CDK8: variants seen among roughly 807,000 people sequenced by gnomAD.
CDK8 encodes the protein cyclin-dependent kinase 8.
A neutral mutation model predicts 71.5 loss-of-function variants in CDK8; 29 were observed. The ratio of observed to expected loss-of-function variants is 0.41; its 90% CI spans 0.30 to 0.55. The LOEUF is 0.55. Ranked by LOEUF, CDK8 falls within the 20% of genes least tolerant of loss-of-function variation. CDK8 has a pLI of 0.37. For synonymous variants in CDK8, 161 were observed against 192.1 expected, an observed-to-expected ratio of 0.84 and a Z score of 1.34; for missense variants, 288 against 572.6, an observed-to-expected ratio of 0.50 and a Z score of 5.07.
At chr13:26,362,711 G>A (rs142949700) in intron 4 of CDK8, among the ~76,000 whole-genome samples, 21 of 152,122 alleles carry the variant, frequency 1.4e-4, no homozygotes, top group African/African-American at 3.6e-4. Context: ...CACCTTCACC[G>A]AAATACCCAG....
At chr13:26,256,991 T>G (rs1871553310) in intron 1 of CDK8, among the ~76,000 whole-genome samples, 1 of 152,156 alleles carries the variant, frequency 6.6e-6, no homozygotes, top group South Asian at 2.1e-4. Context: ...CGCATAGTAT[T>G]TATGAGGTTC....
intron 1 of CDK8, among the ~76,000 whole-genome samples, chr13:26,265,863 T>C (rs1871996505): frequency 6.6e-6 from 1 of 152,152 alleles, no homozygotes; most frequent in Non-Finnish European, 1.5e-5. Flanking sequence ...CTTAAGCAGA[T>C]AGTAATAAGT....
chr13:26,302,383 T>C (rs1355788941), intron 1 of CDK8, among the ~76,000 whole-genome samples: 1 of 152,238 alleles, frequency 6.6e-6, no homozygotes, highest in Non-Finnish European at 1.5e-5. Context: ...TTCCTATATA[T>C]GAACCAATTG....
intron 1 of CDK8, among the ~76,000 whole-genome samples, chr13:26,285,172 G>A (rs997580167): frequency 3.9e-5 from 6 of 152,090 alleles, no homozygotes; most frequent in Non-Finnish European, 5.9e-5. Flanking sequence ...CCGAGAGGTC[G>A]AGTGAGCTGA....
At chr13:26,263,996 C>T (rs1274442264) in intron 1 of CDK8, among the ~76,000 whole-genome samples, 1 of 152,144 alleles carries the variant, frequency 6.6e-6, no homozygotes, top group Non-Finnish European at 1.5e-5. Flanking sequence ...ATCCGCCCAC[C>T]TGGGCCCCCC....
chr13:26,255,014 TG>T (rs1390121871), intron 1 of CDK8, among the ~76,000 whole-genome samples: 1 of 152,188 alleles, frequency 6.6e-6, no homozygotes, highest in East Asian at 1.9e-4. Context: ...CTCTGCACCG[TG>T]GGCTGTATAC....
At chr13:26,268,138 T>A (rs556131769) in intron 1 of CDK8, among the ~76,000 whole-genome samples, 1 of 152,212 alleles carries the variant, frequency 6.6e-6, no homozygotes, top group South Asian at 2.1e-4. Context: ...ACAAAACTTT[T>A]TGGAAAGAAG....
intron 7 of CDK8, 110 bp downstream of exon 7, chr13:26,393,620 G>A (rs1875855229): frequency 9.0e-7 from 1 of 1,107,184 alleles, no homozygotes; most frequent in Non-Finnish European, 1.3e-6. Flanking sequence ...TTTTACTTGA[G>A]TCTTTGTTTT....
chr13:26,280,755 G>A lies in CDK8; in HGVS notation c.128+25986G>A, dbSNP rs113548234. On this transcript the variant is annotated intron_variant, in intron 1 of 12. Transcript: ENST00000381527. ...GCTTTCTTCCTCCTTCTCTGTCCAC[G>A]TAGTCATGCCCGATTCCTCTTTGCC... 5.9e-3 allele frequency among the ~76,000 whole-genome samples: 905 copies of A among 152,252 alleles called. 10 individuals are homozygous for A. The highest frequency in any genetic ancestry group is 0.021 in the African/African-American group (856 of 41,554).
At chr13:26,367,996 A>G (rs559967494) in intron 4 of CDK8, among the ~76,000 whole-genome samples, 44 of 152,332 alleles carry the variant, frequency 2.9e-4, no homozygotes, top group African/African-American at 8.2e-4. Flanking sequence ...GATCAATCCA[A>G]TAAATCATTT....
chr13:26,278,795 T>A lies in CDK8; in HGVS notation c.128+24026T>A, dbSNP rs551186490. On this transcript the variant is annotated intron_variant, in intron 1 of 12. Coordinates refer to ENST00000381527, the MANE Select transcript of CDK8 (RefSeq NM_001260.3). ...CCTGTGTATCTGTGGGTTCCATATATGCAGGTTAAGCCAACCACAGATTGA... is the reference window on the plus strand; with the variant it reads ...CCTGTGTATCTGTGGGTTCCATATAAGCAGGTTAAGCCAACCACAGATTGA... Among the ~76,000 whole-genome samples the A allele has an allele frequency of 3.9e-5, 6 of 152,336 alleles. 1 individual carries two copies. Among genetic ancestry groups the A allele is most frequent in the African/African-American group, 1.4e-4 (6 of 41,582 alleles).
In CDK8 at chr13:26,281,458, A is replaced by G. The variant is rs1006070698; in HGVS notation, c.128+26689A>G. 1.8e-4 allele frequency among the ~76,000 whole-genome samples: 27 copies of G among 152,252 alleles called. 1 individual carries two copies. The highest frequency in any genetic ancestry group is 4.4e-5 in the Non-Finnish European group (3 of 68,042). On this transcript the variant is annotated intron_variant, in intron 1 of 12. Coordinates refer to ENST00000381527, the MANE Select transcript of CDK8 (RefSeq NM_001260.3). ...AGTGCATCACATCAAGGGACCACCA[A>G]CGTGGTACAAAAGAATCTGAACAAC...
intron 4 of CDK8, among the ~76,000 whole-genome samples, chr13:26,382,552 A>G (rs1206016590): frequency 6.6e-6 from 1 of 152,228 alleles, no homozygotes; most frequent in African/African-American, 2.4e-5. Context: ...GCTTGCCAGT[A>G]GTGAAAACAG....
chr13:26,390,989 T>C (rs1875717776), intron 6 of CDK8, among the ~76,000 whole-genome samples: 2 of 149,786 alleles, frequency 1.3e-5, no homozygotes, highest in South Asian at 4.2e-4. Context: ...TTTCCATGAA[T>C]TGGGCACAAT....
Position 26,353,738 on chromosome 13 carries a change from A to C in CDK8, c.316-2A>C. 2 of 1,601,976 alleles carry C rather than the reference A, an allele frequency of 1.2e-6. No homozygotes were observed. The highest frequency in any genetic ancestry group is 1.3e-5 in the African/African-American group (1 of 74,334). On this transcript the variant is annotated splice_acceptor_variant, in intron 3 of 12. Transcript: ENST00000381527. LOFTEE classifies it high-confidence loss of function. The stretch of plus-strand genomic sequence containing the variant: ...CTGTTGATATTTTTTTCTTTCTTTC[A>C]GCATATAATCAAGTTTCACAGAGCT...
intron 4 of CDK8, among the ~76,000 whole-genome samples, chr13:26,377,532 T>C (rs539658361): frequency 1.3e-5 from 2 of 152,348 alleles, no homozygotes; most frequent in East Asian, 1.9e-4. Flanking sequence ...AAGAATTCTA[T>C]GCTTTTTTTT....
intron 9 of CDK8, chr13:26,399,960 T>A (rs907730828): frequency 1.8e-5 from 3 of 166,006 alleles, no homozygotes; most frequent in East Asian, 1.8e-4. Context: ...TCTGTGATGA[T>A]CTGCACAGTG....
intron 2 of CDK8, among the ~76,000 whole-genome samples, chr13:26,345,474 C>G (rs536549527): frequency 1.2e-4 from 19 of 152,088 alleles, no homozygotes; most frequent in Non-Finnish European, 2.8e-4. Context: ...CTCCACCTCC[C>G]AGGCTCAAGC....
At position 26,404,354 on chromosome 13, in the gene CDK8, A is replaced by G. The variant is rs530938489; in HGVS notation, c.*273A>G. On this transcript the variant is annotated 3_prime_UTR_variant, in exon 13 of 13. Transcript: ENST00000381527. ...TACTTGACATGGTTCAGACTGACCAATGCATTTTTTTCAGTGACAGTCTGT... is the reference window on the plus strand; with the variant it reads ...TACTTGACATGGTTCAGACTGACCAGTGCATTTTTTTCAGTGACAGTCTGT... 11 of 322,428 alleles carry G rather than the reference A, an allele frequency of 3.4e-5. No homozygotes were observed. The highest frequency in any genetic ancestry group is 5.8e-5 in the Non-Finnish European group (10 of 173,106). 20.0% of individuals were successfully genotyped at this position (322,428 alleles called of 1,614,324 possible). A position where few individuals can be genotyped will look rare whatever the true frequency, so the allele number is the denominator to read the frequency against.
Sources: allele counts gnomAD v4.1 joint callset (sites outside exome capture counted in the v4.1 genomes callset), GRCh38; gene constraint gnomAD v4.1.1; transcripts MANE v1.5; gene names NCBI Gene and HGNC (gene_info 2026-07-23, HGNC 2026-07-21).